DMRT1: variants seen among roughly 807,000 people sequenced by gnomAD.
DMRT1 encodes doublesex and mab-3 related transcription factor 1.
A neutral mutation model predicts 32.3 loss-of-function variants in DMRT1; 7 were observed. The ratio of observed to expected loss-of-function variants is 0.22; its 90% CI spans 0.12 to 0.41. The LOEUF (loss-of-function observed/expected upper bound fraction) is 0.41. Among genes scored for constraint, DMRT1 ranks in the 10% least tolerant of loss-of-function variants. DMRT1 has a pLI of 1.00. For synonymous variants in DMRT1, 278 were observed against 206.1 expected, an observed-to-expected ratio of 1.35 and a Z score of -2.99; for missense variants, 625 against 500.5, an observed-to-expected ratio of 1.25 and a Z score of -2.37.
At chr9:895,644 C>CA (rs1341924331) in intron 3 of DMRT1, among the ~76,000 whole-genome samples, 1 of 152,122 alleles carries the variant, frequency 6.6e-6, no homozygotes, top group Non-Finnish European at 1.5e-5. Context: ...AATTAACAAA[C>CA]ACATTAATCA....
At chr9:870,162 C>G (rs1349044327) in intron 2 of DMRT1, among the ~76,000 whole-genome samples, 1 of 152,164 alleles carries the variant, frequency 6.6e-6, no homozygotes, top group Non-Finnish European at 1.5e-5. Flanking sequence ...CTTTGGGAGG[C>G]TGAGGCAGGT....
At chr9:891,245 G>A (rs1270111619) in intron 2 of DMRT1, among the ~76,000 whole-genome samples, 1 of 149,222 alleles carries the variant, frequency 6.7e-6, no homozygotes, top group Non-Finnish European at 1.5e-5. Context: ...TCAGGAGTTC[G>A]AGATCAGCCT....
chr9:916,283 G>A (rs755471272), intron 3 of DMRT1, among the ~76,000 whole-genome samples: 30 of 152,160 alleles, frequency 2.0e-4, no homozygotes, highest in Admixed American at 1.4e-3. Flanking sequence ...GATAGAAAGG[G>A]CACCATCATA....
At chr9:862,935 A>C (rs1240398530) in intron 2 of DMRT1, among the ~76,000 whole-genome samples, 2 of 152,060 alleles carry the variant, frequency 1.3e-5, no homozygotes, top group Non-Finnish European at 2.9e-5. Flanking sequence ...GGGACTTTGC[A>C]AATGTGATTG....
At chr9:905,543 T>A (rs991643531) in intron 3 of DMRT1, among the ~76,000 whole-genome samples, 1 of 150,986 alleles carries the variant, frequency 6.6e-6, no homozygotes, top group Non-Finnish European at 1.5e-5. Flanking sequence ...AACTAAAGTT[T>A]ATGTACTTAA....
At chr9:842,228 T>C in intron 1 of DMRT1, 36 bp downstream of exon 1, 2 of 1,485,394 alleles carry the variant, frequency 1.3e-6, no homozygotes, top group Non-Finnish European at 1.8e-6. Flanking sequence ...GGTTCAGCCT[T>C]AGTTTTTTTT....
chr9:901,051 C>G (rs1479314177), intron 3 of DMRT1, among the ~76,000 whole-genome samples: 2 of 151,628 alleles, frequency 1.3e-5, no homozygotes, highest in Admixed American at 6.6e-5. Flanking sequence ...ATCTTGCTCT[C>G]TCACCCAGGC....
chr9:961,531 C>G (rs1016611986), intron 4 of DMRT1, among the ~76,000 whole-genome samples: 1 of 152,166 alleles, frequency 6.6e-6, no homozygotes, highest in Non-Finnish European at 1.5e-5. Flanking sequence ...CACAGACATT[C>G]TGGTGTTTGA....
At chr9:901,461 G>A (rs545740502) in intron 3 of DMRT1, among the ~76,000 whole-genome samples, 14 of 152,026 alleles carry the variant, frequency 9.2e-5, no homozygotes, top group African/African-American at 3.4e-4. Flanking sequence ...CAAGTAGCTG[G>A]GATTACAGGC....
At chr9:932,261 A>C (rs374339651) in intron 4 of DMRT1, among the ~76,000 whole-genome samples, 17 of 152,314 alleles carry the variant, frequency 1.1e-4, no homozygotes, top group Admixed American at 7.8e-4. Context: ...AACCTTAAAC[A>C]GTTTAACTCT....
intron 2 of DMRT1, among the ~76,000 whole-genome samples, chr9:865,761 C>G (rs1455970773): frequency 1.3e-5 from 2 of 152,188 alleles, no homozygotes; most frequent in Non-Finnish European, 2.9e-5. Flanking sequence ...ATGTATTAAA[C>G]CGTCCCATTA....
At chr9:857,745 T>A (rs1815462131) in intron 2 of DMRT1, among the ~76,000 whole-genome samples, 1 of 150,682 alleles carries the variant, frequency 6.6e-6, no homozygotes. Flanking sequence ...CATTTAACAT[T>A]AGGTATATCT....
chr9:861,472 C>T (rs543931943), intron 2 of DMRT1, among the ~76,000 whole-genome samples: 1 of 150,146 alleles, frequency 6.7e-6, no homozygotes, highest in South Asian at 2.1e-4. Context: ...CTTCTTTCTA[C>T]ACAGACACAA....
intron 4 of DMRT1, among the ~76,000 whole-genome samples, chr9:944,426 C>T (rs1819176525): frequency 6.6e-6 from 1 of 152,174 alleles, no homozygotes; most frequent in Non-Finnish European, 1.5e-5. Context: ...AACACATATA[C>T]AATTTTCAGC....
At chr9:911,661 T>C (rs1435234805) in intron 3 of DMRT1, among the ~76,000 whole-genome samples, 1 of 151,834 alleles carries the variant, frequency 6.6e-6, no homozygotes, top group African/African-American at 2.4e-5. Context: ...CCCAGCTAAT[T>C]GTTTGTATTT....
chr9:886,439 T>C lies in DMRT1; in HGVS notation c.539-7473T>C, dbSNP rs889754523. Among the ~76,000 whole-genome samples the C allele has an allele frequency of 2.6e-5, 4 of 152,208 alleles. No individual in the cohort carries two copies. In the South Asian group the frequency reaches 8.3e-4, roughly 32 times the overall value. On this transcript the variant is annotated intron_variant, in intron 2 of 4. Transcript: ENST00000382276. Reference sequence around the variant, plus strand: ...ACGCCCGGCTAGTTTTTCTGTTTTTTGAGATGGGGTTTTGCCATGTTGGCC... The same window carrying C: ...ACGCCCGGCTAGTTTTTCTGTTTTTCGAGATGGGGTTTTGCCATGTTGGCC...
intron 4 of DMRT1, among the ~76,000 whole-genome samples, chr9:951,964 A>T (rs565861548): frequency 2.0e-4 from 31 of 152,198 alleles, no homozygotes; most frequent in Non-Finnish European, 1.5e-4. Context: ...GTTTTGAGCT[A>T]AGGAGCTTGC....
intron 4 of DMRT1, among the ~76,000 whole-genome samples, chr9:950,105 G>T (rs1404162369): frequency 6.6e-6 from 1 of 151,996 alleles, no homozygotes; most frequent in Non-Finnish European, 1.5e-5. Flanking sequence ...TCATACAGTA[G>T]TTTATTGAAG....
chr9:854,019 C>CTTGAACTCCTGGCTTCCAGCAGTCAGGAG (rs1815279753), intron 2 of DMRT1, among the ~76,000 whole-genome samples: 1 of 151,552 alleles, frequency 6.6e-6, no homozygotes, highest in Non-Finnish European at 1.5e-5. Context: ...CCACGCTGGT[C>CTTGAACTCCTGGCTTCCAGCAGTCAGGAG]TTGAACTCCT....
Sources: gnomAD v4.1 joint callset for allele counts (sites outside exome capture counted in the v4.1 genomes callset) on GRCh38, gnomAD v4.1.1 for gene constraint, MANE v1.5 for transcripts, NCBI Gene and HGNC (gene_info 2026-07-23, HGNC 2026-07-21) for gene names.